The following L3MBTL4 variants were observed in gnomAD, a reference collection of about 807,000 sequenced individuals.
L3MBTL4 encodes the protein L3MBTL histone methyl-lysine binding protein 4.
In L3MBTL4, 70 loss-of-function variants were observed where a neutral mutation model predicts 84.5. The ratio of observed to expected loss-of-function variants is 0.83; its 90% CI spans 0.68 to 1.01. L3MBTL4 has a LOEUF of 1.01. Among genes scored for constraint, L3MBTL4 ranks in the 50% least tolerant of loss-of-function variants. The pLI, the probability that L3MBTL4 is intolerant of heterozygous loss-of-function variation, is 0.00. For missense variants in L3MBTL4, 715 were observed against 754.8 expected (o/e 0.95, Z 0.62); for synonymous variants, 274 against 259.8 (o/e 1.05, Z -0.52).
Position 6,243,385 on chromosome 18 carries a change from A to G in L3MBTL4, c.369T>C (p.Ser123=). ...CAGCATTGGTCCAAAAATCATAGCA[A>G]CTTAAATAACCATCAAAATGAAGTC... ...RLRLHFDGYL[S]CYDFWTNAGS... Residue 123 remains serine (S), a synonymous_variant, in exon 7 of 19, where the codon AGT becomes AGC. Coordinates refer to ENST00000317931, the MANE Select transcript of L3MBTL4 (RefSeq NM_001330559.2). 2.5e-6 allele frequency: 4 copies of G among 1,607,798 alleles called. No individual in the cohort carries two copies. Among genetic ancestry groups the G allele is most frequent in the Non-Finnish European group, 3.4e-6 (4 of 1,177,262 alleles).
At chr18:6,094,575 C>T (rs552068348) in intron 14 of L3MBTL4, among the ~76,000 whole-genome samples, 1 of 152,108 alleles carries the variant, frequency 6.6e-6, no homozygotes, top group African/African-American at 2.4e-5. Flanking sequence ...GCAGTTGATT[C>T]TTTTCTGAGC....
chr18:6,409,542 A>G (rs1599948942), intron 1 of L3MBTL4, among the ~76,000 whole-genome samples: 1 of 152,114 alleles, frequency 6.6e-6, no homozygotes. Flanking sequence ...CTGAAAAGCT[A>G]CCACAGAGGC....
rs574977277 is a variant in L3MBTL4, at chr18:6,076,922, T to C, written c.1444+3959A>G. 7.2e-5 allele frequency among the ~76,000 whole-genome samples: 11 copies of C among 152,276 alleles called. No homozygotes were observed. In the South Asian group the frequency reaches 1.2e-3, roughly 17 times the overall value. On this transcript the variant is annotated intron_variant, in intron 16 of 18. Coordinates refer to ENST00000317931, the MANE Select transcript of L3MBTL4 (RefSeq NM_001330559.2). ...AGTGGCCGTGAGAGTGACATCTCTT[T>C]GAGGGACCAAGGAGCGTCTAACGGC...
At chr18:6,050,100 A>T (rs2145795916) in intron 16 of L3MBTL4, among the ~76,000 whole-genome samples, 1 of 151,306 alleles carries the variant, frequency 6.6e-6, no homozygotes, top group Non-Finnish European at 1.5e-5. Flanking sequence ...CACAATACTC[A>T]TGCTACTCAA....
chr18:6,362,055 G>A (rs2053717704), intron 1 of L3MBTL4, among the ~76,000 whole-genome samples: 1 of 149,480 alleles, frequency 6.7e-6, no homozygotes, highest in East Asian at 2.0e-4. Context: ...GTTGCAGTGA[G>A]CCATGATCAC....
At chr18:6,146,410 C>T (rs368069568) in intron 13 of L3MBTL4, among the ~76,000 whole-genome samples, 1 of 152,104 alleles carries the variant, frequency 6.6e-6, no homozygotes, top group African/African-American at 2.4e-5. Flanking sequence ...AAAGAGTGAG[C>T]GAGGCGGCTG....
At chr18:6,230,799 A>G (rs2145983882) in intron 10 of L3MBTL4, among the ~76,000 whole-genome samples, 1 of 152,208 alleles carries the variant, frequency 6.6e-6, no homozygotes, top group East Asian at 1.9e-4. Flanking sequence ...CTGGTGTGAG[A>G]TAGTCTCTCA....
intron 12 of L3MBTL4, among the ~76,000 whole-genome samples, chr18:6,177,035 G>A (rs1018096766): frequency 9.2e-5 from 14 of 152,100 alleles, no homozygotes; most frequent in Admixed American, 5.9e-4. Context: ...TACCAATGTC[G>A]GCAGGGGTGT....
At chr18:6,021,766 G>T (rs1172473223) in intron 16 of L3MBTL4, among the ~76,000 whole-genome samples, 1 of 152,098 alleles carries the variant, frequency 6.6e-6, no homozygotes, top group African/African-American at 2.4e-5. Context: ...GGTGCAGCGG[G>T]GTGGGGGGGT....
At chr18:6,290,685 G>A (rs939904417) in intron 4 of L3MBTL4, among the ~76,000 whole-genome samples, 1 of 151,896 alleles carries the variant, frequency 6.6e-6, no homozygotes, top group African/African-American at 2.4e-5. Flanking sequence ...ACACCACCAT[G>A]CCCAGCTAAT....
Position 6,410,882 on chromosome 18 carries a change from T to C in L3MBTL4, c.-91+3919A>G, listed in dbSNP as rs1391706189. The stretch of plus-strand genomic sequence containing the variant: ...AGAATGTTTCCCATGTGAGCTGAGA[T>C]CAACACAAAATGAAGAAGGTTCACC... On this transcript the variant is annotated intron_variant, in intron 1 of 18. Transcript: ENST00000317931. Among the ~76,000 whole-genome samples the C allele has an allele frequency of 2.0e-5, 3 of 152,114 alleles. No homozygotes were observed. In the East Asian group the frequency reaches 5.8e-4, roughly 29 times the overall value.
At chr18:6,137,567 T>C (rs768702153) in intron 14 of L3MBTL4, among the ~76,000 whole-genome samples, 2 of 152,136 alleles carry the variant, frequency 1.3e-5, no homozygotes, top group African/African-American at 2.4e-5. Flanking sequence ...ATATTAATTC[T>C]TTCAGTCTTA....
At chr18:6,342,859 C>T (rs1441999859) in intron 1 of L3MBTL4, among the ~76,000 whole-genome samples, 1 of 151,748 alleles carries the variant, frequency 6.6e-6, no homozygotes, top group African/African-American at 2.4e-5. Context: ...TTTAAGAACA[C>T]ACTTAGGCTG....
chr18:6,144,769 A>G (rs2042577272), intron 13 of L3MBTL4, among the ~76,000 whole-genome samples: 1 of 152,208 alleles, frequency 6.6e-6, no homozygotes, highest in African/African-American at 2.4e-5. Context: ...CTTTCCTGTT[A>G]AAAGGGCGAA....
intron 16 of L3MBTL4, chr18:6,017,638 G>C (rs1040298323): frequency 6.6e-6 from 1 of 152,222 alleles, no homozygotes; most frequent in Non-Finnish European, 1.5e-5. Context: ...ATCATGCAGA[G>C]AGTGCACACC....
intron 13 of L3MBTL4, among the ~76,000 whole-genome samples, chr18:6,171,374 GAGTAA>G (rs1297399384): frequency 3.3e-5 from 5 of 152,242 alleles, no homozygotes; most frequent in East Asian, 3.9e-4. Context: ...ATAAAGATGC[GAGTAA>G]AGTAGAGGAT....
chr18:6,400,700 C>A (rs1282319987), intron 1 of L3MBTL4, among the ~76,000 whole-genome samples: 2 of 152,190 alleles, frequency 1.3e-5, no homozygotes, highest in African/African-American at 4.8e-5. Flanking sequence ...GCGTGAGACA[C>A]CACACCCGGC....
intron 16 of L3MBTL4, among the ~76,000 whole-genome samples, chr18:5,982,883 A>G (rs1378798116): frequency 6.6e-6 from 1 of 152,242 alleles, no homozygotes; most frequent in Non-Finnish European, 1.5e-5. Flanking sequence ...TATCCATATT[A>G]GTAAATATAA....
At chr18:6,216,324 G>A (rs2046324882) in intron 10 of L3MBTL4, among the ~76,000 whole-genome samples, 1 of 152,100 alleles carries the variant, frequency 6.6e-6, no homozygotes, top group Admixed American at 6.5e-5. Context: ...TAAAATTGCA[G>A]TTAAAACTAT....
Sources: gnomAD v4.1 joint callset for allele counts (sites outside exome capture counted in the v4.1 genomes callset) on GRCh38, gnomAD v4.1.1 for gene constraint, MANE v1.5 for transcripts, NCBI Gene and HGNC (gene_info 2026-07-23, HGNC 2026-07-21) for gene names.